Variants in LILRA2 observed in about 807,000 individuals in gnomAD.
LILRA2 encodes leukocyte immunoglobulin-like receptor subfamily A member 2.
LILRA2 carries 45 observed loss-of-function variants against 47.9 expected under a neutral mutation model. The ratio of observed to expected loss-of-function variants is 0.94; its 90% CI spans 0.74 to 1.20. The LOEUF (loss-of-function observed/expected upper bound fraction) is 1.20, where lower values mean the gene tolerates loss of function less well. LILRA2 is among the 50% of genes most tolerant of loss of function. The pLI is 0.00. For missense variants in LILRA2, 651 were observed against 598.2 expected (o/e 1.09, Z -0.92); for synonymous variants, 279 against 249.2 (o/e 1.12, Z -1.13).
At chr19:54,576,349 C>A (rs1259745911) in intron 6 of LILRA2, among the ~76,000 whole-genome samples, 1 of 151,014 alleles carries the variant, frequency 6.6e-6, no homozygotes, top group Non-Finnish European at 1.5e-5. Context: ...GGGTGGTGAA[C>A]CTCAGAGATG....
rs1042060291 is a variant in LILRA2 at position 54,587,460 on chromosome 19, G to C, written c.*114G>C. 54 of 1,478,640 alleles carry C rather than the reference G, an allele frequency of 3.7e-5. No individual in the cohort carries two copies. The highest frequency in any genetic ancestry group is 4.6e-5 in the Non-Finnish European group (50 of 1,098,864). The allele number at this position is 1,478,640 out of a possible 1,614,324, so 91.6% of individuals were successfully genotyped here. A position where few individuals can be genotyped will look rare whatever the true frequency, so the allele number is the denominator to read the frequency against. On this transcript the variant is annotated 3_prime_UTR_variant, in exon 8 of 8. Coordinates refer to ENST00000391738, the MANE Select transcript of LILRA2 (RefSeq NM_001130917.3). ...ACCTACATTATCTGGACTGTATGCT[G>C]GTCATTTCTAGAGACAGCAATCAAT...
In LILRA2 at chr19:54,588,627, T is replaced by C. The variant is rs1432564229; in HGVS notation, c.*1281T>C. On this transcript the variant is annotated 3_prime_UTR_variant, in exon 8 of 8. Transcript: ENST00000391738. The stretch of plus-strand genomic sequence containing the variant: ...TCTCAAAAAAAAAAAAAAATCCAAG[T>C]ACAACATAAGAAAAATGTTAACAGA... The C allele has an allele frequency of 1.3e-5, 2 of 150,382 alleles. No individual in the cohort carries two copies. The highest frequency in any genetic ancestry group is 3.0e-5 in the Non-Finnish European group (2 of 67,634). 9.3% of individuals were successfully genotyped at this position (150,382 alleles called of 1,614,324 possible). A position where few individuals can be genotyped will look rare whatever the true frequency, so the allele number is the denominator to read the frequency against.
In LILRA2 at chr19:54,576,063, C is replaced by T. The variant is rs775892228; in HGVS notation, c.1209C>T (p.Pro403=). The part of the protein sequence containing the change: ...YRCYSSLSSN[P]YLLSLPSDPL... ...GCTACAGCTCACTCAGCTCCAACCC[C>T]TACCTGCTGTCTCTCCCCAGTGACC... is the stretch of plus-strand genomic sequence containing the variant. Residue 403 remains proline (P), a synonymous_variant, in exon 6 of 8, where the codon CCC becomes CCT. Coordinates refer to ENST00000391738, the MANE Select transcript of LILRA2 (RefSeq NM_001130917.3). 1 of 1,614,084 alleles carries T rather than the reference C, an allele frequency of 6.2e-7. No homozygotes were observed. Among genetic ancestry groups the T allele is most frequent in the African/African-American group, 1.3e-5 (1 of 74,942 alleles).
chr19:54,575,301 T>A lies in LILRA2; in HGVS notation c.701T>A (p.Val234Glu), dbSNP rs753969223. Residue 234 changes from valine to glutamate, a missense_variant, in exon 5 of 8, where the codon GTG (valine) becomes GAG (glutamate). Val to Glu is a moderately radical substitution (Grantham distance 121). Coordinates refer to ENST00000391738, the MANE Select transcript of LILRA2 (RefSeq NM_001130917.3). ...PSLSVQPGPM[V>E]APGESLTLQC... ...CTCTCAGTGCAGCCAGGTCCTATGG[T>A]GGCCCCTGGGGAGAGCCTGACCCTC... The A allele has an allele frequency of 1.2e-6, 2 of 1,613,952 alleles. No homozygotes were observed. Among genetic ancestry groups the A allele is most frequent in the Non-Finnish European group, 1.7e-6 (2 of 1,179,910 alleles).
At chr19:54,578,517 G>A (rs1432071716) in intron 6 of LILRA2, among the ~76,000 whole-genome samples, 2 of 152,074 alleles carry the variant, frequency 1.3e-5, no homozygotes, top group Non-Finnish European at 2.9e-5. Context: ...TCTTAATGCA[G>A]TCCACTGATG....
At chr19:54,586,894 A>C (rs7258201) in intron 6 of LILRA2, 116 bp from the exon 7 acceptor site, 30,653 of 653,134 alleles carry the variant, frequency 0.047, 965 homozygotes, top group African/African-American at 0.098. Flanking sequence ...CAGCAGAGGA[A>C]GGGTTTATTG....
rs1438354455 is a variant in LILRA2, at chr19:54,574,909, G to C, written c.531G>C (p.Trp177Cys). The C allele has an allele frequency of 3.7e-6, 6 of 1,614,150 alleles. No individual in the cohort carries two copies. The highest frequency in any genetic ancestry group is 1.6e-4 in the Middle Eastern group (1 of 6,084). Residue 177 changes from tryptophan (W) to cysteine (C), a missense_variant, in exon 4 of 8, where the codon TGG (tryptophan) becomes TGC (cysteine). Trp to Cys is a radical substitution (Grantham distance 215). Coordinates refer to ENST00000391738, the MANE Select transcript of LILRA2 (RefSeq NM_001130917.3). ...ATTCCCATGCCCGTGGGTGGTCCTG[G>C]GCCATCTTCTCCGTGGGCCCCGTGA... ...NSHSHARGWS[W>C]AIFSVGPVSP... is the part of the protein sequence containing the mutation.
intron 5 of LILRA2, 37 bp from the exon 6 acceptor site, chr19:54,575,770 G>C: frequency 5.6e-6 from 9 of 1,611,252 alleles, no homozygotes; most frequent in African/African-American, 1.3e-5. Context: ...CTCAGAACAA[G>C]GTGGGGCAGC....
chr19:54,589,557 T>G lies in LILRA2; in HGVS notation c.*2211T>G, dbSNP rs1314926611. The G allele has an allele frequency of 6.6e-6, 1 of 152,196 alleles. No homozygotes were observed. Among genetic ancestry groups the G allele is most frequent in the Admixed American group, 6.5e-5 (1 of 15,278 alleles). 9.4% of individuals were successfully genotyped at this position (152,196 alleles called of 1,614,324 possible). ...GATGCAATACGTATACATTGACAAT[T>G]TTAAAATACTGCTCAAAGAAATAAC... On this transcript the variant is annotated 3_prime_UTR_variant, in exon 8 of 8. Coordinates refer to ENST00000391738, the MANE Select transcript of LILRA2 (RefSeq NM_001130917.3).
chr19:54,574,768 C>T lies in LILRA2; in HGVS notation c.390C>T (p.Ser130=). The T allele has an allele frequency of 6.2e-7, 1 of 1,614,284 alleles. No homozygotes were observed. Among genetic ancestry groups the T allele is most frequent in the South Asian group, 1.1e-5 (1 of 91,092 alleles). The change falls in exon 4 of 8, where the codon AGC becomes AGT. Residue 130 remains serine (S), a synonymous_variant. Transcript: ENST00000391738. ...YSKPTLSALP[S]PVVTSGGNVT... ...AACCCACCCTCTCAGCTCTGCCCAG[C>T]CCTGTGGTGACCTCAGGAGGGAACG...
Position 54,575,485 on chromosome 19 carries a change from C to G in LILRA2, c.885C>G (p.Cys295Trp), listed in dbSNP as rs771267331. Residue 295 changes from cysteine (C) to tryptophan (W), a missense_variant, in exon 5 of 8, where the codon TGC becomes TGG. Cys to Trp is a radical substitution (Grantham distance 215). Transcript: ENST00000391738. ...CCTCCCACGGGGGCCAGTACAGATGCTACAGTGCACACAACCTCTCCTCCG... is the reference window on the plus strand; with the variant it reads ...CCTCCCACGGGGGCCAGTACAGATGGTACAGTGCACACAACCTCTCCTCCG... Reference protein sequence around the residue: ...VSPSHGGQYRCYSAHNLSSEW... With the variant: ...VSPSHGGQYRWYSAHNLSSEW... 7.4e-6 allele frequency: 12 copies of G among 1,613,172 alleles called. No homozygotes were observed. The South Asian group carries it at 1.3e-4, about 18-fold the overall frequency.
chr19:54,589,527 A>G lies in LILRA2; in HGVS notation c.*2181A>G, dbSNP rs2146038713. On this transcript the variant is annotated 3_prime_UTR_variant, in exon 8 of 8. Coordinates refer to ENST00000391738, the MANE Select transcript of LILRA2 (RefSeq NM_001130917.3). The stretch of plus-strand genomic sequence containing the variant: ...CAAAAAAAGAGAAATACATTTAACC[A>G]AAGAGATGCAATACGTATACATTGA... 1 of 152,310 alleles carries G rather than the reference A, an allele frequency of 6.6e-6. No homozygotes were observed. Among genetic ancestry groups the G allele is most frequent in the East Asian group, 1.9e-4 (1 of 5,180 alleles). 9.4% of individuals were successfully genotyped at this position (152,310 alleles called of 1,614,324 possible). A position where few individuals can be genotyped will look rare whatever the true frequency, so the allele number is the denominator to read the frequency against.
intron 6 of LILRA2, among the ~76,000 whole-genome samples, chr19:54,579,079 T>C (rs1013647196): frequency 3.3e-5 from 5 of 152,174 alleles, no homozygotes; most frequent in Admixed American, 3.3e-4. Flanking sequence ...TTCACTCTCA[T>C]GATAGTTTCT....
intron 6 of LILRA2, among the ~76,000 whole-genome samples, chr19:54,577,273 C>T (rs906215736): frequency 1.3e-5 from 2 of 152,132 alleles, no homozygotes; most frequent in Admixed American, 6.5e-5. Flanking sequence ...GGACCCCCAG[C>T]CCCTGGCCTT....
At chr19:54,577,344 GT>G in intron 6 of LILRA2, 1 of 742,208 alleles carries the variant, frequency 1.3e-6, no homozygotes, top group South Asian at 1.8e-5. Context: ...AGGATTTGGG[GT>G]CCAGGCCTGA....
chr19:54,587,072 G>T lies in LILRA2; in HGVS notation c.1306+12G>T. 3.7e-6 allele frequency: 6 copies of T among 1,613,450 alleles called. No individual in the cohort carries two copies. The highest frequency in any genetic ancestry group is 5.1e-6 in the Non-Finnish European group (6 of 1,179,416). ...AGACTCCACGACTAGTGAGTGAGGA[G>T]ATGCTCTCAGTTATGGGACTGGCAC... On this transcript the variant is annotated intron_variant, in intron 7 of 7. Coordinates refer to ENST00000391738, the MANE Select transcript of LILRA2 (RefSeq NM_001130917.3).
At chr19:54,582,849 G>A (rs2062683969) in intron 6 of LILRA2, among the ~76,000 whole-genome samples, 1 of 152,056 alleles carries the variant, frequency 6.6e-6, no homozygotes, top group Non-Finnish European at 1.5e-5. Context: ...TGCTTCTCTA[G>A]TTCTTTTAAT....
rs758641267 is a variant in LILRA2 at position 54,574,580 on chromosome 19, C to T, written c.350C>T (p.Thr117Ile). 3.7e-6 allele frequency: 6 copies of T among 1,613,984 alleles called. No individual in the cohort carries two copies. Among genetic ancestry groups the T allele is most frequent in the South Asian group, 3.3e-5 (3 of 91,072 alleles). ...AGTGACCCCCTGGAGCTGGTGGTGACAGGTGAGAGGACACTCAGGAGTCCC... is the reference window on the plus strand; with the variant it reads ...AGTGACCCCCTGGAGCTGGTGGTGATAGGTGAGAGGACACTCAGGAGTCCC... The part of the protein sequence containing the change: ...EYSDPLELVV[T>I]GAYSKPTLSA... Residue 117 changes from threonine to isoleucine, a missense_variant and splice_region_variant, in exon 3 of 8, where the codon ACA (threonine) becomes ATA (isoleucine). By Grantham distance (89) the Thr-to-Ile change is moderately conservative. Coordinates refer to ENST00000391738, the MANE Select transcript of LILRA2 (RefSeq NM_001130917.3).
intron 6 of LILRA2, 27 bp downstream of exon 6, chr19:54,576,136 G>T (rs368062451): frequency 1.2e-6 from 2 of 1,611,888 alleles, no homozygotes; most frequent in Admixed American, 3.3e-5. Context: ...TGTCCTCTCC[G>T]AGCTCAAAGG....
Sources: allele counts gnomAD v4.1 joint callset (sites outside exome capture counted in the v4.1 genomes callset), GRCh38; gene constraint gnomAD v4.1.1; transcripts MANE v1.5; gene names NCBI Gene and HGNC (gene_info 2026-07-23, HGNC 2026-07-21).